The following MECOM variants were observed in gnomAD, a reference collection of about 807,000 sequenced individuals.
MECOM encodes the protein MDS1 and EVI1 complex locus.
In MECOM, 13 loss-of-function variants were observed where a neutral mutation model predicts 116.3. The observed-to-expected ratio is 0.11, with a 90% CI of 0.07 to 0.18. The LOEUF is 0.18. MECOM is among the 10% of genes least tolerant of loss of function. MECOM has a pLI of 1.00. For synonymous variants in MECOM, 528 were observed against 535.2 expected, an observed-to-expected ratio of 0.99 and a Z score of 0.19; for missense variants, 1,299 against 1,509.0, an observed-to-expected ratio of 0.86 and a Z score of 2.31.
At chr3:169,642,786 C>G (rs7649238) in intron 1 of MECOM, among the ~76,000 whole-genome samples, 5,062 of 134,136 alleles carry the variant, frequency 0.038, 254 homozygotes, top group African/African-American at 0.12. Context: ...CCTACTTCAT[C>G]CTGCCAACCT....
chr3:169,604,694 G>C (rs1312320050), intron 1 of MECOM, among the ~76,000 whole-genome samples: 1 of 152,172 alleles, frequency 6.6e-6, no homozygotes, highest in Non-Finnish European at 1.5e-5. Context: ...TCTCCCAGAA[G>C]AGCTGCCCTC....
chr3:169,115,457 G>C lies in MECOM; in HGVS notation c.2415C>G (p.Val805=), dbSNP rs756402551. The C allele has an allele frequency of 6.2e-7, 1 of 1,613,988 alleles. No individual in the cohort carries two copies. The highest frequency in any genetic ancestry group is 8.5e-7 in the Non-Finnish European group (1 of 1,180,028). The part of the protein sequence containing the change: ...HVFGGKKGSN[V]ESRPASDGSL... ...AACCATCTGAAGCAGGTCTTGATTC[G>C]ACGTTGCTTCCTTTTTTTCCCCCAA... Residue 805 remains valine (V), a synonymous_variant, in exon 8 of 17, where the codon GTC becomes GTG. Coordinates refer to ENST00000651503, the MANE Select transcript of MECOM (RefSeq NM_004991.4).
At chr3:169,174,319 T>C (rs963917218) in intron 2 of MECOM, among the ~76,000 whole-genome samples, 4 of 152,192 alleles carry the variant, frequency 2.6e-5, no homozygotes, top group African/African-American at 9.7e-5. Context: ...TTTGAACAAA[T>C]TGGCAATGAT....
intron 2 of MECOM, among the ~76,000 whole-genome samples, chr3:169,184,028 C>G (rs1371618961): frequency 6.6e-6 from 1 of 151,772 alleles, no homozygotes; most frequent in East Asian, 1.9e-4. Flanking sequence ...CCACACCCGG[C>G]TAATTTTTTG....
At chr3:169,328,877 C>T (rs1722286361) in intron 2 of MECOM, among the ~76,000 whole-genome samples, 1 of 152,134 alleles carries the variant, frequency 6.6e-6, no homozygotes, top group Admixed American at 6.5e-5. Flanking sequence ...TCATGGAATA[C>T]ATTATCTAAC....
chr3:169,378,827 G>A (rs780542792), intron 2 of MECOM, among the ~76,000 whole-genome samples: 11 of 151,988 alleles, frequency 7.2e-5, no homozygotes, highest in Admixed American at 2.0e-4. Context: ...TTTCCATTAG[G>A]GGAACATTTA....
At chr3:169,586,563 C>CA (rs1426193149) in intron 1 of MECOM, among the ~76,000 whole-genome samples, 1 of 151,994 alleles carries the variant, frequency 6.6e-6, no homozygotes, top group Non-Finnish European at 1.5e-5. Context: ...AATATATTCG[C>CA]AAAAAAGTTT....
chr3:169,594,221 A>G (rs1484783424), intron 1 of MECOM, among the ~76,000 whole-genome samples: 1 of 151,256 alleles, frequency 6.6e-6, no homozygotes, highest in East Asian at 1.9e-4. Context: ...CAAAAAAACA[A>G]TGCTCTCTTA....
At chr3:169,499,347 A>C (rs1424377174) in intron 1 of MECOM, among the ~76,000 whole-genome samples, 4 of 43,384 alleles carry the variant, frequency 9.2e-5, no homozygotes, top group African/African-American at 3.0e-4. Flanking sequence ...GATTACCCAC[A>C]AAAAAAAAAA....
intron 1 of MECOM, among the ~76,000 whole-genome samples, chr3:169,389,007 G>T (rs756406773): frequency 6.6e-6 from 1 of 152,200 alleles, no homozygotes; most frequent in African/African-American, 2.4e-5. Flanking sequence ...TGGAAAATAA[G>T]GGACTAAATC....
At chr3:169,121,347 C>G in intron 6 of MECOM, 138 bp from the exon 7 acceptor site, 1 of 855,214 alleles carries the variant, frequency 1.2e-6, no homozygotes. Flanking sequence ...GTACTCTCCT[C>G]TAATTTCCAA....
At chr3:169,545,620 G>A (rs1039312543) in intron 1 of MECOM, among the ~76,000 whole-genome samples, 3 of 152,082 alleles carry the variant, frequency 2.0e-5, no homozygotes, top group Admixed American at 6.5e-5. Flanking sequence ...AGTTTCAACC[G>A]GATATTTCAA....
At chr3:169,533,864 C>T (rs1171716378) in intron 1 of MECOM, among the ~76,000 whole-genome samples, 1 of 152,156 alleles carries the variant, frequency 6.6e-6, no homozygotes, top group Non-Finnish European at 1.5e-5. Context: ...GAAGTTATTT[C>T]AGAATAACTT....
Position 169,422,823 on chromosome 3 carries a change from A to G in MECOM, c.38-41299T>C, listed in dbSNP as rs376370983. ...GTGGCTCACCAGCATGCAACTTTGG[A>G]CAAGTTACTTTATCTTTCTGAAGAT... On this transcript the variant is annotated intron_variant, in intron 1 of 16. Coordinates refer to ENST00000651503, the MANE Select transcript of MECOM (RefSeq NM_004991.4). Among the ~76,000 whole-genome samples the G allele has an allele frequency of 7.2e-5, 11 of 152,210 alleles. No individual in the cohort carries two copies. In the East Asian group the frequency reaches 1.3e-3, roughly 19 times the overall value.
intron 2 of MECOM, among the ~76,000 whole-genome samples, chr3:169,167,336 T>G (rs1016214950): frequency 6.6e-6 from 1 of 152,210 alleles, no homozygotes; most frequent in African/African-American, 2.4e-5. Context: ...CCAGTTGGAC[T>G]GCAAGCCATT....
intron 1 of MECOM, among the ~76,000 whole-genome samples, chr3:169,635,315 A>G (rs1362769): frequency 0.64 from 97,411 of 152,142 alleles, 31,315 homozygotes; most frequent in South Asian, 0.72. Context: ...TATTATTATC[A>G]TCATCATTAT....
intron 2 of MECOM, among the ~76,000 whole-genome samples, chr3:169,271,756 A>T (rs921716020): frequency 3.3e-5 from 5 of 152,190 alleles, no homozygotes; most frequent in South Asian, 2.1e-4. Flanking sequence ...TTAAAATTTT[A>T]AAAAAAGAAT....
At chr3:169,489,880 G>C (rs1222903568) in intron 1 of MECOM, among the ~76,000 whole-genome samples, 2 of 152,062 alleles carry the variant, frequency 1.3e-5, no homozygotes, top group African/African-American at 4.8e-5. Context: ...TATAAAACGG[G>C]ATATTCATAG....
intron 1 of MECOM, among the ~76,000 whole-genome samples, chr3:169,631,357 A>C (rs1017307220): frequency 6.6e-6 from 1 of 152,238 alleles, no homozygotes; most frequent in Non-Finnish European, 1.5e-5. Flanking sequence ...GAATCATAAA[A>C]AGAGAGAAGA....
Sources: gnomAD v4.1 joint callset for allele counts (sites outside exome capture counted in the v4.1 genomes callset) on GRCh38, gnomAD v4.1.1 for gene constraint, MANE v1.5 for transcripts, NCBI Gene and HGNC (gene_info 2026-07-23, HGNC 2026-07-21) for gene names.